The following ZFYVE19 variants were observed in gnomAD, a reference collection of about 807,000 sequenced individuals.
The protein encoded by ZFYVE19 is abscission/NoCut checkpoint regulator.
Under a neutral mutation model 62.8 loss-of-function variants are expected in ZFYVE19, and 49 were observed. The observed-to-expected ratio is 0.78, with a 90% confidence interval of 0.62 to 0.99. The LOEUF (loss-of-function observed/expected upper bound fraction) is 0.99, where lower values mean the gene tolerates loss of function less well. Among genes scored for constraint, ZFYVE19 ranks in the 50% least tolerant of loss-of-function variants. ZFYVE19 has a pLI of 0.00. For synonymous variants in ZFYVE19, 242 were observed against 234.3 expected, an observed-to-expected ratio of 1.03 and a Z score of -0.30; for missense variants, 630 against 601.9, an observed-to-expected ratio of 1.05 and a Z score of -0.49.
rs868816958 is a variant in ZFYVE19 at position 40,810,209 on chromosome 15, C to G, written c.710C>G (p.Pro237Arg). 1 of 1,614,182 alleles carries G rather than the reference C, an allele frequency of 6.2e-7. No homozygotes were observed. The change falls in exon 5 of 11, where the codon CCC (proline) becomes CGC (arginine). Residue 237 changes from proline to arginine, a missense_variant. Transcript: ENST00000355341. The part of the protein sequence containing the change: ...LQGRVLPSQT[P>R]QPAHHTPDTR... ...GGCAGAGTTCTACCTTCTCAAACCC[C>G]CCAGCCGGTGAGTGTTATGGCTTAG...
At chr15:40,810,299 C>G in intron 5 of ZFYVE19, 83 bp downstream of exon 5, 1 of 1,543,396 alleles carries the variant, frequency 6.5e-7, no homozygotes, top group Non-Finnish European at 8.7e-7. Flanking sequence ...TGGGGTGATA[C>G]AAAAGTAATT....
rs1024805328 is a variant in ZFYVE19 at position 40,814,083 on chromosome 15, G to A, written c.1337+13G>A. The A allele has an allele frequency of 1.2e-6, 2 of 1,614,054 alleles. No individual in the cohort carries two copies. Among genetic ancestry groups the A allele is most frequent in the Admixed American group, 3.3e-5 (2 of 60,002 alleles). The stretch of plus-strand genomic sequence containing the variant: ...CCCGCTGCTTCCGGTGGGTGCAGGT[G>A]GAATGTTCTGTGCGAGAGCTCAAGG... On this transcript the variant is annotated intron_variant, in intron 10 of 10. Coordinates refer to ENST00000355341, the MANE Select transcript of ZFYVE19 (RefSeq NM_001077268.2).
At chr15:40,809,820 T>G (rs376401101) in intron 3 of ZFYVE19, 32 bp from the exon 4 acceptor site, 40 of 1,608,630 alleles carry the variant, frequency 2.5e-5, no homozygotes, top group Non-Finnish European at 3.3e-5. Flanking sequence ...CCCTCTGCCT[T>G]CTTCAAGAGC....
Position 40,815,027 on chromosome 15 carries a change from G to A in ZFYVE19, c.*801G>A, listed in dbSNP as rs542712404. On this transcript the variant is annotated 3_prime_UTR_variant, in exon 11 of 11. Transcript: ENST00000355341. Reference sequence around the variant, plus strand: ...TACATGCCTCTGCATTGCCTCTGCTGTTTCTCTTCCTGCCCCTGGCTGGAA... The same window carrying A: ...TACATGCCTCTGCATTGCCTCTGCTATTTCTCTTCCTGCCCCTGGCTGGAA... 1.3e-5 allele frequency: 2 copies of A among 152,506 alleles called. No homozygotes were observed. The highest frequency in any genetic ancestry group is 2.4e-5 in the African/African-American group (1 of 41,528). 9.4% of individuals were successfully genotyped at this position (152,506 alleles called of 1,614,324 possible).
rs1890303702 is a variant in ZFYVE19, at chr15:40,807,740, G to C, written c.151G>C (p.Gly51Arg). The change falls in exon 1 of 11, where the codon GGT (glycine) becomes CGT (arginine). Residue 51 changes from glycine (G) to arginine (R), a missense_variant. Coordinates refer to ENST00000355341, the MANE Select transcript of ZFYVE19 (RefSeq NM_001077268.2). ...GCAGGGAAGGGAAGGGCGGAGCTGG[G>C]GTGAGGGTCCAAGGGGCCCAGGACT... ...AGQGREGRSW[G>R]EGPRGPGLGR... The C allele has an allele frequency of 6.3e-7, 1 of 1,595,350 alleles. No homozygotes were observed. The highest frequency in any genetic ancestry group is 8.5e-7 in the Non-Finnish European group (1 of 1,173,446).
At position 40,807,715 on chromosome 15, in the gene ZFYVE19, G is replaced by GC; in HGVS notation, c.127dup (p.Gln43ProfsTer10). On this transcript the variant is annotated frameshift_variant, in exon 1 of 11. Coordinates refer to ENST00000355341, the MANE Select transcript of ZFYVE19 (RefSeq NM_001077268.2). LOFTEE classifies it high-confidence loss of function. ...CAGTGGGCGTGTGGGGCGGGGCAGG[G>GC]CAGGGAAGGGAAGGGCGGAGCTGGG... 1 of 1,601,756 alleles carries GC rather than the reference G, an allele frequency of 6.2e-7. No individual in the cohort carries two copies. The highest frequency in any genetic ancestry group is 1.7e-4 in the Middle Eastern group (1 of 5,910).
chr15:40,810,844 A>C (rs1890465496), intron 6 of ZFYVE19, 87 bp downstream of exon 6: 1 of 1,491,448 alleles, frequency 6.7e-7, no homozygotes, highest in East Asian at 2.5e-5. Flanking sequence ...CTGGGAGATG[A>C]ATATAAATCG....
At chr15:40,808,061 A>G (rs1890330332) in intron 1 of ZFYVE19, 193 bp downstream of exon 1, 2 of 1,034,340 alleles carry the variant, frequency 1.9e-6, no homozygotes, top group African/African-American at 1.6e-5. Flanking sequence ...GTGAGGGTCC[A>G]CTGAAGTGCT....
chr15:40,814,534 C>G lies in ZFYVE19; in HGVS notation c.*308C>G. The G allele has an allele frequency of 2.2e-6, 1 of 447,588 alleles. No individual in the cohort carries two copies. Among genetic ancestry groups the G allele is most frequent in the Non-Finnish European group, 4.1e-6 (1 of 241,682 alleles). 27.7% of individuals were successfully genotyped at this position (447,588 alleles called of 1,614,324 possible). On this transcript the variant is annotated 3_prime_UTR_variant, in exon 11 of 11. Transcript: ENST00000355341. ...TAGGGCACAGGCCCCTCCCCTGGCA[C>G]TTAGTGGGTCTAATAAAGTATGTTG... is the stretch of plus-strand genomic sequence containing the variant.
At chr15:40,809,023 C>T (rs1282918187) in intron 1 of ZFYVE19, 96 bp from the exon 2 acceptor site, 2 of 1,553,456 alleles carry the variant, frequency 1.3e-6, no homozygotes, top group Non-Finnish European at 1.8e-6. Flanking sequence ...CTGGTCATAA[C>T]TTCAGTGACT....
In ZFYVE19 at chr15:40,807,343, T is replaced by A; in HGVS notation, c.-247T>A. On this transcript the variant is annotated 5_prime_UTR_variant, in exon 1 of 11. Transcript: ENST00000355341. The stretch of plus-strand genomic sequence containing the variant: ...GGAAGGACCGCCAGACCTCTCAAGA[T>A]CAGCCTTCCTCGCCACCGTTCTCAC... The A allele has an allele frequency of 6.2e-7, 1 of 1,614,224 alleles. No individual in the cohort carries two copies. The highest frequency in any genetic ancestry group is 8.5e-7 in the Non-Finnish European group (1 of 1,180,046).
rs1890426406 is a variant in ZFYVE19 at position 40,809,957 on chromosome 15, G to C, written c.558G>C (p.Gln186His). 12 of 1,614,230 alleles carry C rather than the reference G, an allele frequency of 7.4e-6. No homozygotes were observed. Among genetic ancestry groups the C allele is most frequent in the Non-Finnish European group, 1.0e-5 (12 of 1,180,040 alleles). Residue 186 changes from glutamine (Q) to histidine (H), a missense_variant, in exon 4 of 11, where the codon CAG becomes CAC. Physicochemically the swap from Gln to His is conservative, Grantham distance 24. Transcript: ENST00000355341. ...MIAERLARLR[Q>H]ENKPKLVPSQ... The stretch of plus-strand genomic sequence containing the variant: ...CTGAGCGCCTAGCACGACTCCGCCA[G>C]GAGAACAAGCCCAGTGAGCAGGGGC...
intron 1 of ZFYVE19, 199 bp from the exon 2 acceptor site, chr15:40,808,920 A>G (rs1210581799): frequency 9.8e-6 from 6 of 614,148 alleles, no homozygotes; most frequent in African/African-American, 3.7e-5. Context: ...ATAAACCTTC[A>G]TTTGGCTTGA....
rs1890263296 is a variant in ZFYVE19 at position 40,807,235 on chromosome 15, G to A, written c.-355G>A. The stretch of plus-strand genomic sequence containing the variant: ...ATGTCTGGGAGCCCGCCTGCGGAGG[G>A]CATAGCGCCGACCCTCGCTCCCCGC... On this transcript the variant is annotated 5_prime_UTR_variant, in exon 1 of 11. Transcript: ENST00000355341. 6 of 1,559,928 alleles carry A rather than the reference G, an allele frequency of 3.8e-6. No homozygotes were observed. In the South Asian group the frequency reaches 5.8e-5, roughly 15 times the overall value.
chr15:40,810,651 A>G lies in ZFYVE19; in HGVS notation c.720A>G (p.Ala240=). 4.5e-6 allele frequency: 7 copies of G among 1,564,926 alleles called. No homozygotes were observed. The highest frequency in any genetic ancestry group is 1.9e-5 in the Admixed American group (1 of 52,418). ...RVLPSQTPQP[A]HHTPDTRTQA... ...CTGAGGTTTCCTCGTCTGTGCAGGCACATCACACACCGGACACCAGGACCC... is the reference window on the plus strand; with the variant it reads ...CTGAGGTTTCCTCGTCTGTGCAGGCGCATCACACACCGGACACCAGGACCC... Residue 240 remains alanine, a splice_region_variant and synonymous_variant, in exon 6 of 11, where the codon GCA becomes GCG. Coordinates refer to ENST00000355341, the MANE Select transcript of ZFYVE19 (RefSeq NM_001077268.2).
rs1566840181 is a variant in ZFYVE19, at chr15:40,814,290, C to A, written c.*64C>A. On this transcript the variant is annotated 3_prime_UTR_variant, in exon 11 of 11. Transcript: ENST00000355341. ...AGCGGCACCCATTTCTGGGCCCAGCCACAGGACGTCCGATGGGAGAGCTTG... is the reference window on the plus strand; with the variant it reads ...AGCGGCACCCATTTCTGGGCCCAGCAACAGGACGTCCGATGGGAGAGCTTG... The A allele has an allele frequency of 2.5e-6, 4 of 1,578,830 alleles. No homozygotes were observed. Among genetic ancestry groups the A allele is most frequent in the Non-Finnish European group, 3.5e-6 (4 of 1,156,838 alleles).
rs376938566 is a variant in ZFYVE19 at position 40,807,599 on chromosome 15, G to C, written c.10G>C (p.Asp4His). ...AGGCCGGCAGTCGTGAATGAACTAC[G>C]ACTCCCAGCAGCCCCCGTTGCCGCC... Reference protein sequence around the residue: MNYDSQQPPLPPLP... With the variant: MNYHSQQPPLPPLP... Residue 4 changes from aspartate to histidine, a missense_variant, in exon 1 of 11, where the codon GAC (aspartate) becomes CAC (histidine). By Grantham distance (81) the Asp-to-His change is moderately conservative (BLOSUM62 -1). Transcript: ENST00000355341. The C allele has an allele frequency of 3.2e-5, 51 of 1,612,504 alleles. No homozygotes were observed. The highest frequency in any genetic ancestry group is 3.3e-4 in the Middle Eastern group (2 of 6,016).
At position 40,807,332 on chromosome 15, in the gene ZFYVE19, A is replaced by G; in HGVS notation, c.-258A>G. The G allele has an allele frequency of 6.2e-7, 1 of 1,614,116 alleles. No homozygotes were observed. On this transcript the variant is annotated 5_prime_UTR_variant, in exon 1 of 11. Coordinates refer to ENST00000355341, the MANE Select transcript of ZFYVE19 (RefSeq NM_001077268.2). The stretch of plus-strand genomic sequence containing the variant: ...GCGCTAGGACAGGAAGGACCGCCAG[A>G]CCTCTCAAGATCAGCCTTCCTCGCC...
Position 40,812,569 on chromosome 15 carries a change from GAAAGAAAGAAAGAAAGAAAGAA to G in ZFYVE19, c.827-126_827-105del, listed in dbSNP as rs1261162996. ...TCAAAAAAAAAAAAAAAGAAAGAAA[GAAAGAAAGAAAGAAAGAAAGAA>G]AAAATTATTAAAGAAAAAGAAAAGA... On this transcript the variant is annotated intron_variant, in intron 6 of 10. Transcript: ENST00000355341. 2.9e-4 allele frequency: 153 copies of G among 531,512 alleles called. 4 individuals carry two copies. The highest frequency in any genetic ancestry group is 9.8e-4 in the South Asian group (40 of 40,870). The allele number at this position is 531,512 out of a possible 1,614,324, so 32.9% of individuals were successfully genotyped here.
Sources: gnomAD v4.1 joint callset for allele counts on GRCh38, gnomAD v4.1.1 for gene constraint, MANE v1.5 for transcripts, NCBI Gene and HGNC (gene_info 2026-07-23, HGNC 2026-07-21) for gene names.